Variants in ARFGEF3 observed in about 807,000 individuals in gnomAD.
ARFGEF3 encodes brefeldin A-inhibited guanine nucleotide-exchange protein 3.
Under a neutral mutation model 221.7 loss-of-function variants are expected in ARFGEF3, and 96 were observed. The observed-to-expected ratio is 0.43, with a 90% CI of 0.37 to 0.51. The LOEUF is 0.51. ARFGEF3 is among the 20% of genes least tolerant of loss of function. ARFGEF3 has a pLI of 0.00. For missense variants in ARFGEF3, 2,410 were observed against 2,789.9 expected, an observed-to-expected ratio of 0.86 and a Z score of 3.07; for synonymous variants, 1,145 against 1,126.8, an observed-to-expected ratio of 1.02 and a Z score of -0.32.
At chr6:138,222,007 A>G (rs532853716) in intron 4 of ARFGEF3, among the ~76,000 whole-genome samples, 3 of 152,330 alleles carry the variant, frequency 2.0e-5, no homozygotes, top group South Asian at 2.1e-4. Flanking sequence ...GTCAAAAATA[A>G]AGATTGAGGT....
intron 12 of ARFGEF3, among the ~76,000 whole-genome samples, chr6:138,265,679 T>G (rs901396855): frequency 5.3e-5 from 8 of 152,154 alleles, no homozygotes; most frequent in Non-Finnish European, 1.2e-4. Flanking sequence ...AAATCCTCCT[T>G]CAACCAACAT....
intron 4 of ARFGEF3, among the ~76,000 whole-genome samples, chr6:138,229,091 G>T (rs777633275): frequency 5.3e-5 from 8 of 152,216 alleles, no homozygotes; most frequent in Non-Finnish European, 8.8e-5. Flanking sequence ...TATGTATCTT[G>T]GAAAATAAGG....
chr6:138,217,863 T>A (rs913868037), intron 4 of ARFGEF3: 1 of 1,332,256 alleles, frequency 7.5e-7, no homozygotes, highest in African/African-American at 1.5e-5. Context: ...TCAAATTCTT[T>A]TCATAAGTAA....
At position 138,162,988 on chromosome 6, in the gene ARFGEF3, T is replaced by G. The variant is rs72986828; in HGVS notation, c.85+817T>G. ...GCGCAGCTAGCTCTATGGGCTCCTC[T>G]CTCTGCCTTGCTGGAGCCTGATGTG... On this transcript the variant is annotated intron_variant, in intron 1 of 33. Transcript: ENST00000251691. The surrounding 1 kb of genome is among the most constrained non-coding windows in gnomAD (Gnocchi z 4.7). 0.14 allele frequency among the ~76,000 whole-genome samples: 21,464 copies of G among 152,176 alleles called. 2,284 individuals are homozygous for G. The highest frequency in any genetic ancestry group is 0.3 in the African/African-American group (12,499 of 41,468).
rs546443929 is a variant in ARFGEF3, at chr6:138,320,453, A to C, written c.4651+574A>C. ...ATGGAGAGGGACCTAGAGGCAGGGG[A>C]TGTGTTCACTGTGGTCCCAGTGGAG... On this transcript the variant is annotated intron_variant, in intron 28 of 33. Transcript: ENST00000251691. Among the ~76,000 whole-genome samples the C allele has an allele frequency of 1.1e-3, 172 of 152,292 alleles. 1 individual carries two copies. Among genetic ancestry groups the C allele is most frequent in the African/African-American group, 4.0e-3 (166 of 41,552 alleles).
At chr6:138,172,104 A>G (rs1776847284) in intron 2 of ARFGEF3, among the ~76,000 whole-genome samples, 2 of 152,192 alleles carry the variant, frequency 1.3e-5, no homozygotes, top group African/African-American at 4.8e-5. Flanking sequence ...ACATATTGTA[A>G]GGGAATCCAT....
chr6:138,202,062 A>G (rs1056732032), intron 2 of ARFGEF3, among the ~76,000 whole-genome samples: 1 of 152,200 alleles, frequency 6.6e-6, no homozygotes, highest in Non-Finnish European at 1.5e-5. Flanking sequence ...CAGCACTGCT[A>G]ATTATTCTTC....
At position 138,334,831 on chromosome 6, in the gene ARFGEF3, G is replaced by A. The variant is rs1175619854; in HGVS notation, c.5985G>A (p.Glu1995=). The stretch of plus-strand genomic sequence containing the variant: ...TGCTGCCCCCCAGCCCCAAAGTGGA[G>A]AAGAAGGATCCCAGCCGGAAGAAGG... ...DLLLPPSPKV[E]KKDPSRKKEW... The change falls in exon 33 of 34, where the codon GAG becomes GAA. Residue 1995 remains glutamate, a synonymous_variant. Transcript: ENST00000251691. This position sits in a 1 kb window ranked among gnomAD's most constrained non-coding sequence, Gnocchi z 5.1. 1.3e-5 allele frequency: 21 copies of A among 1,599,544 alleles called. No individual in the cohort carries two copies. Among genetic ancestry groups the A allele is most frequent in the Non-Finnish European group, 1.8e-5 (21 of 1,173,916 alleles).
chr6:138,217,784 C>A, intron 4 of ARFGEF3: 2 of 682,430 alleles, frequency 2.9e-6, no homozygotes, highest in Non-Finnish European at 4.3e-6. Flanking sequence ...AGATAATAAT[C>A]TATGAGTTCA....
rs1157091678 is a variant in ARFGEF3, at chr6:138,334,755, G to A, written c.5909G>A (p.Arg1970Gln). The A allele has an allele frequency of 6.2e-7, 1 of 1,609,826 alleles. No individual in the cohort carries two copies. The highest frequency in any genetic ancestry group is 8.5e-7 in the Non-Finnish European group (1 of 1,177,572). ...TPSEDDRSQS[R>Q]EHMGESLSLK... ...TCCGAGGATGACAGAAGCCAGTCCCGGGAGCACATGGGCGAGTCCCTGAGC... is the reference window on the plus strand; with the variant it reads ...TCCGAGGATGACAGAAGCCAGTCCCAGGAGCACATGGGCGAGTCCCTGAGC... The change falls in exon 33 of 34, where the codon CGG (arginine) becomes CAG (glutamine). Residue 1970 changes from arginine (R) to glutamine (Q), a missense_variant. Physicochemically the swap from Arg to Gln is conservative, Grantham distance 43. This residue lies in a region of ARFGEF3 where 339 missense variants were observed against 334.9 expected (regional missense o/e 1.01). Transcript: ENST00000251691. The surrounding 1 kb of genome is among the most constrained non-coding windows in gnomAD (Gnocchi z 5.1).
Position 138,324,132 on chromosome 6 carries a change from G to A in ARFGEF3, c.4979G>A (p.Arg1660His), listed in dbSNP as rs764406002. ...SSPSAEAEYW[R>H]IRAMAQQVFM... ...CCAAGTGCCGAGGCCGAGTACTGGCGCATCCGAGCCATGGCCCAGCAGGTA... is the reference window on the plus strand; with the variant it reads ...CCAAGTGCCGAGGCCGAGTACTGGCACATCCGAGCCATGGCCCAGCAGGTA... The change falls in exon 31 of 34, where the codon CGC becomes CAC. Residue 1660 changes from arginine to histidine, a missense_variant. This residue lies in a region of ARFGEF3 where 723 missense variants were observed against 991.9 expected (regional missense o/e 0.73). Coordinates refer to ENST00000251691, the MANE Select transcript of ARFGEF3 (RefSeq NM_020340.5). 34 of 1,613,696 alleles carry A rather than the reference G, an allele frequency of 2.1e-5. No individual in the cohort carries two copies. Among genetic ancestry groups the A allele is most frequent in the Non-Finnish European group, 2.6e-5 (31 of 1,179,816 alleles).
intron 2 of ARFGEF3, among the ~76,000 whole-genome samples, chr6:138,194,500 C>T (rs1777371886): frequency 6.6e-6 from 1 of 152,162 alleles, no homozygotes; most frequent in Non-Finnish European, 1.5e-5. Flanking sequence ...TGCATGTGTT[C>T]TGTGATCCAG....
chr6:138,254,123 C>T (rs1778630512), intron 9 of ARFGEF3, 139 bp downstream of exon 9: 2 of 586,718 alleles, frequency 3.4e-6, no homozygotes, highest in East Asian at 6.5e-5. Context: ...AGAGGGAAAG[C>T]AGGGAAATTG....
At chr6:138,274,005 G>C (rs1435937377) in intron 12 of ARFGEF3, among the ~76,000 whole-genome samples, 2 of 152,196 alleles carry the variant, frequency 1.3e-5, no homozygotes, top group Non-Finnish European at 2.9e-5. Flanking sequence ...AAGGTAACCT[G>C]ACAAAGTCTT....
Position 138,336,541 on chromosome 6 carries a change from C to T in ARFGEF3, c.*55C>T. 7.1e-7 allele frequency: 1 copy of T among 1,416,706 alleles called. No homozygotes were observed. Among genetic ancestry groups the T allele is most frequent in the Non-Finnish European group, 9.6e-7 (1 of 1,038,650 alleles). The allele number at this position is 1,416,706 out of a possible 1,614,324, so 87.8% of individuals were successfully genotyped here. On this transcript the variant is annotated 3_prime_UTR_variant, in exon 34 of 34. Coordinates refer to ENST00000251691, the MANE Select transcript of ARFGEF3 (RefSeq NM_020340.5). ...AACAGTAGTGAGGGTTAGAGTCCTG[C>T]CAATACAGCTGTTGCATTTTCCCCA...
chr6:138,322,748 T>C (rs1348559126), intron 29 of ARFGEF3, among the ~76,000 whole-genome samples: 1 of 143,106 alleles, frequency 7.0e-6, no homozygotes, highest in Non-Finnish European at 1.5e-5. Context: ...TAAGACGAGA[T>C]GGCACCACTG....
intron 26 of ARFGEF3, among the ~76,000 whole-genome samples, chr6:138,315,353 T>C (rs895282587): frequency 3.3e-5 from 5 of 152,230 alleles, no homozygotes; most frequent in African/African-American, 1.2e-4. Context: ...TTCTGTCTTC[T>C]GTCTCAGAAG....
intron 4 of ARFGEF3, among the ~76,000 whole-genome samples, chr6:138,210,851 C>G (rs900961421): frequency 2.6e-5 from 4 of 152,160 alleles, no homozygotes; most frequent in Non-Finnish European, 5.9e-5. Flanking sequence ...GGATTTTTGT[C>G]TTGGATAAGA....
At chr6:138,200,357 G>A (rs868426163) in intron 2 of ARFGEF3, among the ~76,000 whole-genome samples, 18 of 152,004 alleles carry the variant, frequency 1.2e-4, no homozygotes, top group African/African-American at 3.1e-4. Context: ...AAAAGAGCCC[G>A]CATAGCCAAA....
Sources: allele counts gnomAD v4.1 joint callset (sites outside exome capture counted in the v4.1 genomes callset), GRCh38; gene constraint gnomAD v4.1.1; regional missense constraint gnomAD v4.1.1; non-coding constraint Gnocchi (gnomAD v3.1); transcripts MANE v1.5; gene names NCBI Gene and HGNC (gene_info 2026-07-23, HGNC 2026-07-21).